The following TENM2 variants were observed in gnomAD, a reference collection of about 807,000 sequenced individuals.
TENM2 encodes teneurin-2.
TENM2 carries 52 observed loss-of-function variants against 245.2 expected under a neutral mutation model. That is an observed-to-expected ratio of 0.21 (90% confidence interval 0.17 to 0.27). The LOEUF is 0.27. TENM2 is among the 10% of genes least tolerant of loss of function. The pLI, the probability that TENM2 is intolerant of heterozygous loss-of-function variation, is 1.00. For missense variants in TENM2, 3,046 were observed against 3,666.8 expected (o/e 0.83, Z 4.37); for synonymous variants, 1,363 against 1,438.9 (o/e 0.95, Z 1.19).
chr5:167,629,339 G>T (rs1778716735), intron 2 of TENM2, among the ~76,000 whole-genome samples: 1 of 152,094 alleles, frequency 6.6e-6, no homozygotes, highest in South Asian at 2.1e-4. Context: ...ACTTCCTAGG[G>T]TTTTTCTGAA....
chr5:167,673,943 A>G (rs945219761), intron 2 of TENM2, among the ~76,000 whole-genome samples: 1 of 152,132 alleles, frequency 6.6e-6, no homozygotes, highest in African/African-American at 2.4e-5. Context: ...AGGATACAAC[A>G]TGGTGAGAGG....
chr5:167,119,392 G>A, the TENM2 span: 4 of 152,160 alleles, frequency 2.6e-5, no homozygotes, highest in African/African-American at 7.2e-5. Context: ...CTAGTAATCC[G>A]CATTTAGTCC....
intron 2 of TENM2, among the ~76,000 whole-genome samples, chr5:167,516,997 G>T (rs1770425823): frequency 6.6e-6 from 1 of 152,162 alleles, no homozygotes; most frequent in Non-Finnish European, 1.5e-5. Flanking sequence ...CTAAACTTTT[G>T]CAATTTCATA....
chr5:167,976,119 T>C (rs1782425147), intron 4 of TENM2, among the ~76,000 whole-genome samples: 1 of 152,192 alleles, frequency 6.6e-6, no homozygotes, highest in Non-Finnish European at 1.5e-5. Flanking sequence ...ACCATTTATA[T>C]ACCTTCCTCT....
At chr5:167,453,290 T>C (rs1765718742) in intron 2 of TENM2, among the ~76,000 whole-genome samples, 1 of 152,106 alleles carries the variant, frequency 6.6e-6, no homozygotes, top group African/African-American at 2.4e-5. Flanking sequence ...TTCTAATGCA[T>C]TTGTTTTGTT....
At chr5:167,374,722 A>G (rs575789272) in intron 1 of TENM2, among the ~76,000 whole-genome samples, 1 of 152,278 alleles carries the variant, frequency 6.6e-6, no homozygotes, top group East Asian at 1.9e-4. Context: ...GCGACCATCA[A>G]GATGCATGGC....
intron 3 of TENM2, among the ~76,000 whole-genome samples, chr5:167,899,203 A>G (rs1030847017): frequency 1.3e-5 from 2 of 152,174 alleles, no homozygotes; most frequent in Non-Finnish European, 1.5e-5. Context: ...TGTGCAGGGG[A>G]AAAAATAGAA....
chr5:167,049,364 G>A, the TENM2 span, among the ~76,000 whole-genome samples: 171 of 152,144 alleles, frequency 1.1e-3, 1 homozygote, highest in African/African-American at 3.9e-3. Flanking sequence ...ACTGCCTTTC[G>A]TCCTAAAATT....
chr5:167,914,483 G>T (rs1278346736), intron 3 of TENM2, among the ~76,000 whole-genome samples: 1 of 151,998 alleles, frequency 6.6e-6, no homozygotes, highest in Non-Finnish European at 1.5e-5. Context: ...ATTACATTGG[G>T]TCCACCCAGA....
intron 7 of TENM2, among the ~76,000 whole-genome samples, chr5:168,074,044 T>G (rs987270254): frequency 3.9e-5 from 6 of 152,214 alleles, no homozygotes; most frequent in Non-Finnish European, 8.8e-5. Flanking sequence ...CTGCCTTTGT[T>G]TGGCCCAGCC....
intron 2 of TENM2, among the ~76,000 whole-genome samples, chr5:167,790,264 A>G (rs1764857894): frequency 6.6e-6 from 1 of 152,192 alleles, no homozygotes; most frequent in South Asian, 2.1e-4. Flanking sequence ...AAGAAATCAC[A>G]CTGGCTGAGT....
At chr5:167,268,183 G>T in the TENM2 span, among the ~76,000 whole-genome samples, 160 of 152,272 alleles carry the variant, frequency 1.1e-3, no homozygotes, top group African/African-American at 3.7e-3. Flanking sequence ...ATAATTTGAT[G>T]TAATTGTGGC....
chr5:167,708,503 T>G (rs1208435129), intron 2 of TENM2, among the ~76,000 whole-genome samples: 1 of 152,168 alleles, frequency 6.6e-6, no homozygotes, highest in Non-Finnish European at 1.5e-5. Context: ...TTCTAGCCAA[T>G]GAGATATGTA....
chr5:167,006,608 A>T, the TENM2 span, among the ~76,000 whole-genome samples: 1 of 152,174 alleles, frequency 6.6e-6, no homozygotes, highest in Non-Finnish European at 1.5e-5. Context: ...TGATATATTT[A>T]ACTGTGATAA....
At chr5:168,177,673 C>T (rs1759477374) in intron 13 of TENM2, among the ~76,000 whole-genome samples, 1 of 152,040 alleles carries the variant, frequency 6.6e-6, no homozygotes, top group African/African-American at 2.4e-5. Context: ...CTTGTCTCTA[C>T]AAAAAATTAA....
intron 2 of TENM2, among the ~76,000 whole-genome samples, chr5:167,803,990 C>T (rs1765966881): frequency 2.0e-5 from 3 of 152,008 alleles, no homozygotes; most frequent in Non-Finnish European, 4.4e-5. Context: ...AAATCCTAAA[C>T]TTTTTGAGCG....
chr5:167,059,115 T>A, the TENM2 span, among the ~76,000 whole-genome samples: 1 of 152,186 alleles, frequency 6.6e-6, no homozygotes, highest in Non-Finnish European at 1.5e-5. Context: ...GATCCATCAT[T>A]TAAATGTGAA....
intron 4 of TENM2, among the ~76,000 whole-genome samples, chr5:167,978,840 T>G (rs1231094744): frequency 6.6e-6 from 1 of 152,050 alleles, no homozygotes; most frequent in Non-Finnish European, 1.5e-5. Context: ...TTAGAGAAAA[T>G]AGCCGGAGGA....
chr5:167,532,979 C>G (rs1327381202), intron 2 of TENM2, among the ~76,000 whole-genome samples: 1 of 151,888 alleles, frequency 6.6e-6, no homozygotes, highest in Admixed American at 6.6e-5. Context: ...AATGTGAAAA[C>G]TAGAATGTGA....
Sources: allele counts gnomAD v4.1 joint callset (sites outside exome capture counted in the v4.1 genomes callset), GRCh38; gene constraint gnomAD v4.1.1; transcripts MANE v1.5; gene names NCBI Gene and HGNC (gene_info 2026-07-23, HGNC 2026-07-21).